HECW1: variants seen among roughly 807,000 people sequenced by gnomAD.
HECW1 encodes the protein HECT, C2 and WW domain containing E3 ubiquitin protein ligase 1.
In HECW1, 61 loss-of-function variants were observed where a neutral mutation model predicts 182.3. The ratio of observed to expected loss-of-function variants is 0.33; its 90% CI spans 0.27 to 0.41. HECW1 has a LOEUF of 0.41. Ranked by LOEUF, HECW1 falls within the 10% of genes least tolerant of loss-of-function variation. The pLI, the probability that HECW1 is intolerant of heterozygous loss-of-function variation, is 1.00. For synonymous variants in HECW1, 859 were observed against 832.6 expected, an observed-to-expected ratio of 1.03 and a Z score of -0.55; for missense variants, 1,739 against 2,108.9, an observed-to-expected ratio of 0.82 and a Z score of 3.44.
chr7:43,300,995 T>G (rs559990107), intron 3 of HECW1, among the ~76,000 whole-genome samples: 1 of 152,326 alleles, frequency 6.6e-6, no homozygotes, highest in East Asian at 1.9e-4. Flanking sequence ...CATGTAGACC[T>G]TGGCATTCAG....
chr7:43,282,538 A>G (rs1274356052), intron 3 of HECW1, among the ~76,000 whole-genome samples: 4 of 152,252 alleles, frequency 2.6e-5, no homozygotes, highest in Admixed American at 2.0e-4. Flanking sequence ...GAGAGACCGA[A>G]CATATGATTA....
intron 2 of HECW1, among the ~76,000 whole-genome samples, chr7:43,242,674 G>A (rs1405619870): frequency 1.3e-5 from 2 of 152,172 alleles, no homozygotes; most frequent in African/African-American, 2.4e-5. Context: ...CCAGAGGCAG[G>A]GACATGGCCC....
At chr7:43,127,604 G>A (rs1319825182) in intron 2 of HECW1, among the ~76,000 whole-genome samples, 6 of 151,294 alleles carry the variant, frequency 4.0e-5, no homozygotes, top group Non-Finnish European at 1.5e-5. Flanking sequence ...TTGGATAGAG[G>A]ATCAAACCAG....
intron 5 of HECW1, among the ~76,000 whole-genome samples, chr7:43,345,684 G>A (rs1813585649): frequency 6.6e-6 from 1 of 152,106 alleles, no homozygotes; most frequent in Non-Finnish European, 1.5e-5. Flanking sequence ...TGCAATGTTT[G>A]ATTTTCCCTT....
In HECW1 at chr7:43,500,720, G is replaced by C. The variant is rs1317350567; in HGVS notation, c.3459G>C (p.Arg1153=). The C allele has an allele frequency of 6.2e-7, 1 of 1,613,674 alleles. No homozygotes were observed. The highest frequency in any genetic ancestry group is 8.5e-7 in the Non-Finnish European group (1 of 1,179,772). ...TCAGGGAGAAAATCCATTACATTCG[G>C]ACTGAGGGTAATCACGGGCTTGAGA... is the stretch of plus-strand genomic sequence containing the variant. ...HTLREKIHYI[R]TEGNHGLEKL... Residue 1153 remains arginine, a synonymous_variant, in exon 20 of 30, where the codon CGG becomes CGC. Transcript: ENST00000395891.
intron 17 of HECW1, among the ~76,000 whole-genome samples, chr7:43,488,475 A>AGAAAGAAAGAAAG (rs2078792741): frequency 2.0e-5 from 3 of 148,074 alleles, no homozygotes; most frequent in African/African-American, 2.5e-5. Flanking sequence ...AAAGAAAGAA[A>AGAAAGAAAGAAAG]GAAAGAAAGA....
At chr7:43,186,745 C>T (rs1793447737) in intron 2 of HECW1, among the ~76,000 whole-genome samples, 1 of 151,782 alleles carries the variant, frequency 6.6e-6, no homozygotes, top group Non-Finnish European at 1.5e-5. Context: ...TGCTTAGATG[C>T]ACAAATACTT....
intron 26 of HECW1, among the ~76,000 whole-genome samples, chr7:43,542,231 A>G (rs1431768883): frequency 1.3e-5 from 2 of 151,928 alleles, no homozygotes; most frequent in African/African-American, 2.4e-5. Context: ...CTACCATTCT[A>G]TTTTCTGTTT....
At chr7:43,478,486 T>C (rs994812169) in intron 16 of HECW1, among the ~76,000 whole-genome samples, 27 of 152,144 alleles carry the variant, frequency 1.8e-4, no homozygotes, top group African/African-American at 5.8e-4. Context: ...GTCTAACAAT[T>C]AAGGGTACTA....
At chr7:43,316,084 C>T (rs1264652406) in intron 4 of HECW1, among the ~76,000 whole-genome samples, 2 of 152,040 alleles carry the variant, frequency 1.3e-5, no homozygotes, top group Non-Finnish European at 2.9e-5. Flanking sequence ...GAAGACAAAT[C>T]CAGAGAAAAT....
chr7:43,198,427 A>G (rs1794692791), intron 2 of HECW1, among the ~76,000 whole-genome samples: 1 of 139,176 alleles, frequency 7.2e-6, no homozygotes, highest in Non-Finnish European at 1.5e-5. Context: ...TTACACTCAT[A>G]CTCACATTCA....
chr7:43,511,445 GC>G (rs2152930443), intron 24 of HECW1: 1 of 152,340 alleles, frequency 6.6e-6, no homozygotes, highest in East Asian at 1.9e-4. Flanking sequence ...AGAGTCCTCA[GC>G]CTGGCATGCA....
rs1072308 is a variant in HECW1, at chr7:43,394,734, C to G, written c.556-2080C>G. Among the ~76,000 whole-genome samples the G allele has an allele frequency of 5.2e-3, 799 of 152,272 alleles. 7 individuals are homozygous for G. Among genetic ancestry groups the G allele is most frequent in the East Asian group, 0.019 (101 of 5,182 alleles). ...AACTGCCCAAAGGGTTCACCTTGCC[C>G]ACTGTCTAGACAGAGCCGATTCATC... On this transcript the variant is annotated intron_variant, in intron 6 of 29. Coordinates refer to ENST00000395891, the MANE Select transcript of HECW1 (RefSeq NM_015052.5).
At chr7:43,494,506 A>AT (rs5883869) in intron 19 of HECW1, among the ~76,000 whole-genome samples, 24,449 of 145,244 alleles carry the variant, frequency 0.17, 2,183 homozygotes, top group South Asian at 0.23. Context: ...TAAAGTCAAG[A>AT]TTTTTTTTTT....
chr7:43,488,395 GAAGGAAAT>G (rs1161592013), intron 17 of HECW1, among the ~76,000 whole-genome samples: 2 of 60,810 alleles, frequency 3.3e-5, no homozygotes, highest in African/African-American at 1.4e-4. Context: ...AGGAAGGAAG[GAAGGAAAT>G]GAAAGAAAGA....
At chr7:43,431,671 C>T (rs1179917899) in intron 8 of HECW1, among the ~76,000 whole-genome samples, 2 of 152,170 alleles carry the variant, frequency 1.3e-5, no homozygotes, top group East Asian at 1.9e-4. Context: ...AGGATAAGTC[C>T]AAGCTGTGGC....
intron 2 of HECW1, among the ~76,000 whole-genome samples, chr7:43,181,078 A>G (rs1164510977): frequency 1.4e-5 from 2 of 143,772 alleles, no homozygotes; most frequent in African/African-American, 6.0e-5. Flanking sequence ...AAGATTCCAC[A>G]TATGAGGGAG....
intron 2 of HECW1, among the ~76,000 whole-genome samples, chr7:43,229,717 G>A (rs1048639686): frequency 2.6e-5 from 4 of 152,148 alleles, no homozygotes; most frequent in Non-Finnish European, 2.9e-5. Context: ...AAAGGAAATG[G>A]GTGAAATTTT....
chr7:43,187,206 C>G (rs1022338771), intron 2 of HECW1, among the ~76,000 whole-genome samples: 12 of 152,172 alleles, frequency 7.9e-5, no homozygotes, highest in African/African-American at 2.9e-4. Context: ...ATGCCTCTTC[C>G]AGAGCAAATG....
Sources: gnomAD v4.1 joint callset for allele counts (sites outside exome capture counted in the v4.1 genomes callset) on GRCh38, gnomAD v4.1.1 for gene constraint, MANE v1.5 for transcripts, NCBI Gene and HGNC (gene_info 2026-07-23, HGNC 2026-07-21) for gene names.